Variants in IFT80 observed in about 807,000 individuals in gnomAD.
IFT80 encodes the protein intraflagellar transport protein 80 homolog.
A neutral mutation model predicts 107.9 loss-of-function variants in IFT80; 79 were observed. That is an observed-to-expected ratio of 0.73 (90% confidence interval 0.61 to 0.88). The LOEUF is 0.88. Ranked by LOEUF, IFT80 falls within the 40% of genes least tolerant of loss-of-function variation. The pLI is 0.00. For missense variants in IFT80, 797 were observed against 914.2 expected, an observed-to-expected ratio of 0.87 and a Z score of 1.65; for synonymous variants, 299 against 300.9, an observed-to-expected ratio of 0.99 and a Z score of 0.07.
chr3:160,340,785 T>C (rs1460573103), intron 8 of IFT80, among the ~76,000 whole-genome samples: 2 of 152,190 alleles, frequency 1.3e-5, no homozygotes, highest in Non-Finnish European at 2.9e-5. Flanking sequence ...CATCTGAAGG[T>C]CCCTACCCTT....
chr3:160,324,999 G>C (rs373630534), intron 8 of IFT80, among the ~76,000 whole-genome samples: 22,141 of 149,116 alleles, frequency 0.15, 1,968 homozygotes, highest in Non-Finnish European at 0.2. Flanking sequence ...GACAAACAGA[G>C]AGCCAAATCA....
In IFT80 at chr3:160,381,485, T is replaced by C. The variant is rs555123804; in HGVS notation, c.259+18A>G. 290 of 1,555,190 alleles carry C rather than the reference T, an allele frequency of 1.9e-4. 6 individuals carry two copies. In the South Asian group the frequency reaches 3.0e-3, roughly 16 times the overall value. On this transcript the variant is annotated intron_variant, in intron 3 of 19. Coordinates refer to ENST00000326448, the MANE Select transcript of IFT80 (RefSeq NM_020800.3). Reference sequence around the variant, plus strand: ...TTTAAATACAATGGCGAGCATATAATGTTTATTTAAAACTTACCATCAGAA... The same window carrying C: ...TTTAAATACAATGGCGAGCATATAACGTTTATTTAAAACTTACCATCAGAA...
At chr3:160,328,784 G>T (rs1183437123) in intron 8 of IFT80, among the ~76,000 whole-genome samples, 3 of 152,130 alleles carry the variant, frequency 2.0e-5, no homozygotes, top group Non-Finnish European at 2.9e-5. Context: ...GTACATATAT[G>T]CCATGAAATA....
In IFT80 at chr3:160,277,643, C is replaced by T. The variant is rs138161346; in HGVS notation, c.1864G>A (p.Ala622Thr). Residue 622 changes from alanine (A) to threonine (T), a missense_variant, in exon 17 of 20, where the codon GCT becomes ACT. By Grantham distance (58) the Ala-to-Thr change is moderately conservative. Transcript: ENST00000326448. ...KEQTMWACLA[A>T]MAVANRDMTT... ...ATATCTCGATTAGCAACTGCCATAGCAGCTAGACAAGCCCACATGGTTTGC... is the reference window on the plus strand; with the variant it reads ...ATATCTCGATTAGCAACTGCCATAGTAGCTAGACAAGCCCACATGGTTTGC... The T allele has an allele frequency of 4.4e-4, 702 of 1,613,566 alleles. 1 individual carries two copies. The African/African-American group carries it at 7.8e-3, about 18-fold the overall frequency.
At chr3:160,390,117 T>G (rs1399860054) in intron 1 of IFT80, among the ~76,000 whole-genome samples, 2 of 152,058 alleles carry the variant, frequency 1.3e-5, no homozygotes, top group East Asian at 3.9e-4. Context: ...GAGAGATCTA[T>G]AAGAAAAGCA....
chr3:160,380,160 G>C (rs1462018293), intron 3 of IFT80, among the ~76,000 whole-genome samples: 2 of 151,364 alleles, frequency 1.3e-5, no homozygotes, highest in African/African-American at 4.9e-5. Flanking sequence ...AGCCTCCCAA[G>C]TAGCTGGGAC....
chr3:160,355,145 G>A (rs573913635), intron 8 of IFT80, among the ~76,000 whole-genome samples: 1 of 152,230 alleles, frequency 6.6e-6, no homozygotes, highest in African/African-American at 2.4e-5. Context: ...TATTTCCCCA[G>A]GTTCTAAACA....
At chr3:160,313,560 T>C (rs1717568883) in intron 9 of IFT80, among the ~76,000 whole-genome samples, 1 of 151,520 alleles carries the variant, frequency 6.6e-6, no homozygotes, top group Non-Finnish European at 1.5e-5. Context: ...ATTGCTGTTA[T>C]AGTTTCAAAA....
intron 13 of IFT80, 96 bp from the exon 14 acceptor site, chr3:160,282,709 T>C (rs1714780984): frequency 1.3e-6 from 1 of 758,352 alleles, no homozygotes; most frequent in Middle Eastern, 3.7e-4. Flanking sequence ...TAAGATCAAT[T>C]AAATGTCATT....
chr3:160,313,026 T>A (rs1346397430), intron 9 of IFT80, among the ~76,000 whole-genome samples: 2 of 88,786 alleles, frequency 2.3e-5, no homozygotes, highest in Non-Finnish European at 4.1e-5. Flanking sequence ...TAAATATATA[T>A]TATATATAAA....
At chr3:160,332,404 A>G (rs1719154186) in intron 8 of IFT80, among the ~76,000 whole-genome samples, 1 of 152,148 alleles carries the variant, frequency 6.6e-6, no homozygotes, top group South Asian at 2.1e-4. Flanking sequence ...GCAGGGTGTT[A>G]CCTAGGTGGG....
chr3:160,295,190 G>C (rs969804837), intron 12 of IFT80, among the ~76,000 whole-genome samples: 2 of 152,110 alleles, frequency 1.3e-5, no homozygotes, highest in African/African-American at 4.8e-5. Context: ...AACCTGTTAG[G>C]CTACTGCTTT....
intron 19 of IFT80, among the ~76,000 whole-genome samples, chr3:160,259,690 A>G (rs540007543): frequency 1.3e-5 from 2 of 152,246 alleles, no homozygotes; most frequent in African/African-American, 4.8e-5. Flanking sequence ...TCTTAAGTTC[A>G]TTAGACTTGT....
chr3:160,343,705 T>C, intron 8 of IFT80: 1 of 259,830 alleles, frequency 3.8e-6, no homozygotes, highest in Non-Finnish European at 7.7e-6. Context: ...CCTGATCATC[T>C]CATTTAAAAA....
In IFT80 at chr3:160,356,153, A is replaced by G. The variant is rs1270725764; in HGVS notation, c.640-3T>C. On this transcript the variant is annotated splice_polypyrimidine_tract_variant and splice_region_variant and intron_variant, in intron 7 of 19. Transcript: ENST00000326448. ...GGGCGGCCGTAACTATCCCATACCT[A>G]CAAAAGCAATTTTTAAAAATCTTTT... 8 of 1,611,028 alleles carry G rather than the reference A, an allele frequency of 5.0e-6. No homozygotes were observed. The East Asian group carries it at 1.6e-4, about 31-fold the overall frequency.
At chr3:160,327,403 A>G (rs1375609530) in intron 8 of IFT80, among the ~76,000 whole-genome samples, 2 of 152,186 alleles carry the variant, frequency 1.3e-5, no homozygotes, top group Non-Finnish European at 2.9e-5. Flanking sequence ...AGCTGGAGGC[A>G]TTATACTACC....
At chr3:160,358,771 T>C (rs957215468) in intron 6 of IFT80, among the ~76,000 whole-genome samples, 3 of 152,250 alleles carry the variant, frequency 2.0e-5, no homozygotes, top group African/African-American at 7.2e-5. Flanking sequence ...CAACATATAT[T>C]ACAAATATTT....
At chr3:160,384,799 G>A (rs1306281521) in intron 1 of IFT80, among the ~76,000 whole-genome samples, 153 bp from the exon 2 acceptor site, 7 of 152,168 alleles carry the variant, frequency 4.6e-5, no homozygotes, top group Admixed American at 3.9e-4. Context: ...AAAACTAGTG[G>A]GTGTGCCAAT....
intron 7 of IFT80, 61 bp downstream of exon 7, chr3:160,357,428 T>C (rs1409366334): frequency 1.1e-5 from 10 of 885,620 alleles, no homozygotes; most frequent in African/African-American, 1.7e-5. Context: ...AATATTCTTA[T>C]ATGCTAAGTA....
Sources: allele counts gnomAD v4.1 joint callset (sites outside exome capture counted in the v4.1 genomes callset), GRCh38; gene constraint gnomAD v4.1.1; transcripts MANE v1.5; gene names NCBI Gene and HGNC (gene_info 2026-07-23, HGNC 2026-07-21).